The following CD101 variants were observed in gnomAD, a reference collection of about 807,000 sequenced individuals.
The protein encoded by CD101 is CD101 molecule.
In CD101, 76 loss-of-function variants were observed where a neutral mutation model predicts 98.2. That is an observed-to-expected ratio of 0.77 (90% CI 0.64 to 0.94). CD101 has a LOEUF of 0.94. Among genes scored for constraint, CD101 ranks in the 40% least tolerant of loss-of-function variants. CD101 has a pLI of 0.00. For missense variants in CD101, 1,145 were observed against 1,218.8 expected (o/e 0.94, Z 0.90); for synonymous variants, 471 against 472.7 (o/e 1.00, Z 0.05).
chr1:117,028,650 A>G (rs532479738), intron 8 of CD101, among the ~76,000 whole-genome samples: 1 of 152,230 alleles, frequency 6.6e-6, no homozygotes, highest in South Asian at 2.1e-4. Flanking sequence ...AGTGATGGAG[A>G]GCTGGGAAGG....
rs1653300626 is a variant in CD101, at chr1:117,017,400, A to G, written c.1539A>G (p.Val513=). The change falls in exon 5 of 10, where the codon GTA becomes GTG. Residue 513 remains valine, a synonymous_variant. Transcript: ENST00000682167. ...ACAGTGGCACATATGAGTGCAGAGTATCTGAGAAGTCTCGGAACCAGGCCA... is the reference window on the plus strand; with the variant it reads ...ACAGTGGCACATATGAGTGCAGAGTGTCTGAGAAGTCTCGGAACCAGGCCA... ...ITDSGTYECR[V]SEKSRNQARD... 3 of 1,614,132 alleles carry G rather than the reference A, an allele frequency of 1.9e-6. No individual in the cohort carries two copies. The highest frequency in any genetic ancestry group is 2.5e-6 in the Non-Finnish European group (3 of 1,180,034).
At position 117,018,384 on chromosome 1, in the gene CD101, C is replaced by T. The variant is rs752908226; in HGVS notation, c.1841C>T (p.Thr614Met). 57 of 1,614,144 alleles carry T rather than the reference C, an allele frequency of 3.5e-5. No homozygotes were observed. Among genetic ancestry groups the T allele is most frequent in the South Asian group, 6.6e-5 (6 of 91,080 alleles). Residue 614 changes from threonine to methionine, a missense_variant, in exon 6 of 10, where the codon ACG (threonine) becomes ATG (methionine). Coordinates refer to ENST00000682167, the MANE Select transcript of CD101 (RefSeq NM_001256106.3). The surrounding 1 kb of genome is among the most constrained non-coding windows in gnomAD (Gnocchi z 4.3). ...GNFLSRFQKK[T>M]KVSQSLFRSQ... Reference sequence around the variant, plus strand: ...TTCCTATCCCGGTTCCAAAAGAAGACGAAAGTGTCGCAGTCTTTATTTCGT... The same window carrying T: ...TTCCTATCCCGGTTCCAAAAGAAGATGAAAGTGTCGCAGTCTTTATTTCGT...
At chr1:117,015,988 T>C (rs985699969) in intron 4 of CD101, among the ~76,000 whole-genome samples, 5 of 152,162 alleles carry the variant, frequency 3.3e-5, no homozygotes, top group Non-Finnish European at 5.9e-5. Context: ...GGAAAGACCT[T>C]GCAGAATTCA....
chr1:117,029,221 G>GT (rs1654229682), intron 8 of CD101, among the ~76,000 whole-genome samples: 1 of 40,870 alleles, frequency 2.4e-5, no homozygotes, highest in African/African-American at 1.4e-4. Flanking sequence ...AGAAAAGAAA[G>GT]AAAGAAAGAA....
At chr1:117,009,006 A>G (rs1187537961) in intron 1 of CD101, among the ~76,000 whole-genome samples, 1 of 152,220 alleles carries the variant, frequency 6.6e-6, no homozygotes, top group Admixed American at 6.5e-5. Flanking sequence ...AAGTAAAGAT[A>G]TGCTTTTTGA....
chr1:117,025,673 T>A lies in CD101; in HGVS notation c.2593T>A (p.Leu865Met). Residue 865 changes from leucine (L) to methionine (M), a missense_variant, in exon 8 of 10, where the codon TTG becomes ATG. Transcript: ENST00000682167. ...ENSGSKLLVH[L>M]QHDGLLEYGE... is the part of the protein sequence containing the mutation. ...CTCTGGAAGTAAATTGCTGGTGCAC[T>A]TGCAACATGATGGCTTGCTGGAGTA... The A allele has an allele frequency of 6.2e-7, 1 of 1,614,172 alleles. No individual in the cohort carries two copies. Among genetic ancestry groups the A allele is most frequent in the East Asian group, 2.2e-5 (1 of 44,872 alleles).
chr1:117,003,457 C>T (rs373430115), intron 1 of CD101, among the ~76,000 whole-genome samples: 10 of 151,984 alleles, frequency 6.6e-5, no homozygotes, highest in East Asian at 1.9e-4. Flanking sequence ...ACTGGCTTGG[C>T]GGGTGTTGAT....
Position 117,012,688 on chromosome 1 carries a change from G to A in CD101, c.842-718G>A, listed in dbSNP as rs1276614042. On this transcript the variant is annotated intron_variant, in intron 3 of 9. Coordinates refer to ENST00000682167, the MANE Select transcript of CD101 (RefSeq NM_001256106.3). This position sits in a 1 kb window ranked among gnomAD's most constrained non-coding sequence, Gnocchi z 4.0. ...CTCCCAAAGGGCTGGGATTTCAGGCGTGAGCCACCGCACCCAGCCTGCTGT... is the reference window on the plus strand; with the variant it reads ...CTCCCAAAGGGCTGGGATTTCAGGCATGAGCCACCGCACCCAGCCTGCTGT... Among the ~76,000 whole-genome samples the A allele has an allele frequency of 3.9e-5, 6 of 152,174 alleles. No homozygotes were observed. Among genetic ancestry groups the A allele is most frequent in the African/African-American group, 4.8e-5 (2 of 41,454 alleles).
chr1:117,026,126 C>A (rs182131945), intron 8 of CD101: 3 of 479,250 alleles, frequency 6.3e-6, no homozygotes, highest in Non-Finnish European at 1.1e-5. Flanking sequence ...ACTTAAATAT[C>A]GGGAGCATCT....
chr1:117,034,886 A>G (rs1243813055), intron 9 of CD101, among the ~76,000 whole-genome samples: 2 of 152,152 alleles, frequency 1.3e-5, no homozygotes, highest in East Asian at 1.9e-4. Flanking sequence ...CCCCACCAAA[A>G]GGTCCATCTG....
rs746398644 is a variant in CD101 at position 117,001,785 on chromosome 1, C to T, written c.-33C>T. On this transcript the variant is annotated 5_prime_UTR_variant, in exon 1 of 10. Transcript: ENST00000682167. Reference sequence around the variant, plus strand: ...ACTCAACCTCTGAATGTTAGTGACACTATTGGGACGAAAAAGGACTGTGCT... The same window carrying T: ...ACTCAACCTCTGAATGTTAGTGACATTATTGGGACGAAAAAGGACTGTGCT... 2 of 1,608,292 alleles carry T rather than the reference C, an allele frequency of 1.2e-6. No individual in the cohort carries two copies. Among genetic ancestry groups the T allele is most frequent in the Non-Finnish European group, 8.5e-7 (1 of 1,174,888 alleles).
At chr1:117,027,569 C>A (rs1053373615) in intron 8 of CD101, among the ~76,000 whole-genome samples, 5 of 152,148 alleles carry the variant, frequency 3.3e-5, no homozygotes, top group African/African-American at 1.2e-4. Context: ...ATTCGGGGAA[C>A]TCCTGGTCAT....
chr1:117,017,685 G>A (rs1032952381), intron 5 of CD101, among the ~76,000 whole-genome samples: 10 of 152,178 alleles, frequency 6.6e-5, no homozygotes, highest in Non-Finnish European at 1.5e-4. Context: ...GTAAATTGTT[G>A]TTCAAGGTTA....
chr1:117,030,244 G>T (rs954140499), intron 8 of CD101, among the ~76,000 whole-genome samples: 12 of 152,048 alleles, frequency 7.9e-5, no homozygotes, highest in African/African-American at 2.9e-4. Flanking sequence ...TTAGACACAT[G>T]GTTGATGCAC....
chr1:117,010,916 T>C lies in CD101; in HGVS notation c.425-634T>C, dbSNP rs988639879. On this transcript the variant is annotated intron_variant, in intron 2 of 9. Coordinates refer to ENST00000682167, the MANE Select transcript of CD101 (RefSeq NM_001256106.3). This position sits in a 1 kb window ranked among gnomAD's most constrained non-coding sequence, Gnocchi z 5.2. ...ATTTGTATGCCTCTTTCCCACCACA[T>C]CCTCAGCTTCTACTCAGTGGCTAGC... is the stretch of plus-strand genomic sequence containing the variant. Among the ~76,000 whole-genome samples, 4 of 152,168 alleles carry C rather than the reference T, an allele frequency of 2.6e-5. No homozygotes were observed. The highest frequency in any genetic ancestry group is 9.7e-5 in the African/African-American group (4 of 41,446).
Position 117,005,140 on chromosome 1 carries a change from G to C in CD101, c.43+3280G>C, listed in dbSNP as rs759782030. ...ATCACCTTGGAAATTAGGTTTCTGC[G>C]TGTGAGTTTTAGGAAGACACAGACG... On this transcript the variant is annotated intron_variant, in intron 1 of 9. Coordinates refer to ENST00000682167, the MANE Select transcript of CD101 (RefSeq NM_001256106.3). The surrounding 1 kb of genome is among the most constrained non-coding windows in gnomAD (Gnocchi z 4.4). Among the ~76,000 whole-genome samples the C allele has an allele frequency of 2.0e-5, 3 of 152,064 alleles. No homozygotes were observed. Among genetic ancestry groups the C allele is most frequent in the Non-Finnish European group, 4.4e-5 (3 of 68,012 alleles).
In CD101 at chr1:117,005,000, G is replaced by A. The variant is rs570938695; in HGVS notation, c.43+3140G>A. 2.0e-5 allele frequency among the ~76,000 whole-genome samples: 3 copies of A among 152,040 alleles called. No individual in the cohort carries two copies. Among genetic ancestry groups the A allele is most frequent in the Non-Finnish European group, 4.4e-5 (3 of 68,012 alleles). On this transcript the variant is annotated intron_variant, in intron 1 of 9. Coordinates refer to ENST00000682167, the MANE Select transcript of CD101 (RefSeq NM_001256106.3). The surrounding 1 kb of genome is among the most constrained non-coding windows in gnomAD (Gnocchi z 4.1). Reference sequence around the variant, plus strand: ...TAGCACCTTCTAACTGTGTCCTCACGTGGCAGAAGGGGCTAGCGAGCTTCC... The same window carrying A: ...TAGCACCTTCTAACTGTGTCCTCACATGGCAGAAGGGGCTAGCGAGCTTCC...
chr1:117,025,835 C>T lies in CD101; in HGVS notation c.2755C>T (p.His919Tyr). ...CRVAEWQLHG[H>Y]PSKWINQASD... is the part of the protein sequence containing the mutation. Reference sequence around the variant, plus strand: ...GGTGGCAGAGTGGCAGCTCCATGGACACCCAAGCAAGTGGATTAATCAAGC... The same window carrying T: ...GGTGGCAGAGTGGCAGCTCCATGGATACCCAAGCAAGTGGATTAATCAAGC... The change falls in exon 8 of 10, where the codon CAC (histidine) becomes TAC (tyrosine). Residue 919 changes from histidine (H) to tyrosine (Y), a missense_variant. Transcript: ENST00000682167. 1 of 1,614,120 alleles carries T rather than the reference C, an allele frequency of 6.2e-7. No individual in the cohort carries two copies. The highest frequency in any genetic ancestry group is 1.7e-4 in the Middle Eastern group (1 of 6,058).
chr1:117,029,603 C>A (rs1344955390), intron 8 of CD101, among the ~76,000 whole-genome samples: 2 of 152,218 alleles, frequency 1.3e-5, no homozygotes, highest in East Asian at 1.9e-4. Context: ...TCATTAGTAG[C>A]ACTAGCACAG....
Sources: gnomAD v4.1 joint callset for allele counts (sites outside exome capture counted in the v4.1 genomes callset) on GRCh38, gnomAD v4.1.1 for gene constraint, Gnocchi (gnomAD v3.1) non-coding constraint, MANE v1.5 for transcripts, NCBI Gene and HGNC (gene_info 2026-07-23, HGNC 2026-07-21) for gene names.